The following ZNF438 variants were observed in gnomAD, a reference collection of about 807,000 sequenced individuals.
ZNF438 encodes zinc finger protein 438.
In ZNF438, 25 loss-of-function variants were observed where a neutral mutation model predicts 38.0. The ratio of observed to expected loss-of-function variants is 0.66; its 90% CI spans 0.48 to 0.92. The LOEUF is 0.92. Ranked by LOEUF, ZNF438 falls within the 40% of genes least tolerant of loss-of-function variation. ZNF438 has a pLI of 0.00. For synonymous variants in ZNF438, 372 were observed against 364.1 expected, an observed-to-expected ratio of 1.02 and a Z score of -0.25; for missense variants, 1,007 against 999.6, an observed-to-expected ratio of 1.01 and a Z score of -0.10.
intron 2 of ZNF438, among the ~76,000 whole-genome samples, chr10:30,941,318 C>T (rs146721803): frequency 0.012 from 1,762 of 152,202 alleles, 31 homozygotes; most frequent in African/African-American, 0.039. Flanking sequence ...GTGATCCACC[C>T]ATCTCGGCCT....
chr10:30,850,959 A>G (rs1373771750), intron 4 of ZNF438, among the ~76,000 whole-genome samples: 2 of 152,208 alleles, frequency 1.3e-5, no homozygotes, highest in Non-Finnish European at 2.9e-5. Flanking sequence ...TGTTTTGCAC[A>G]GTGGATGCAT....
chr10:30,944,587 T>A (rs2047166208), intron 1 of ZNF438, among the ~76,000 whole-genome samples: 2 of 152,192 alleles, frequency 1.3e-5, no homozygotes, highest in Non-Finnish European at 2.9e-5. Context: ...TGAGACCCAG[T>A]TCAGTTGACG....
chr10:30,912,981 G>T (rs2043233180), intron 2 of ZNF438, among the ~76,000 whole-genome samples: 1 of 152,042 alleles, frequency 6.6e-6, no homozygotes, highest in Admixed American at 6.5e-5. Context: ...CAACATATCT[G>T]TTGGGATTTA....
chr10:31,015,879 G>C (rs1464270528), intron 1 of ZNF438, among the ~76,000 whole-genome samples: 1 of 152,136 alleles, frequency 6.6e-6, no homozygotes, highest in Non-Finnish European at 1.5e-5. Flanking sequence ...GGTGAAAAGA[G>C]AGCTCTGGTA....
At chr10:30,944,777 T>C (rs768371116) in intron 1 of ZNF438, among the ~76,000 whole-genome samples, 1 of 152,332 alleles carries the variant, frequency 6.6e-6, no homozygotes. Flanking sequence ...CAGTTAGTCA[T>C]GTCAAAGAGG....
intron 1 of ZNF438, among the ~76,000 whole-genome samples, chr10:31,022,520 C>CA (rs1170904372): frequency 6.6e-6 from 1 of 152,150 alleles, no homozygotes; most frequent in Non-Finnish European, 1.5e-5. Flanking sequence ...CTCGGCCTCC[C>CA]AAAGTGCTGG....
intron 1 of ZNF438, among the ~76,000 whole-genome samples, chr10:30,977,867 C>T (rs1461292270): frequency 6.6e-6 from 1 of 151,688 alleles, no homozygotes; most frequent in African/African-American, 2.4e-5. Flanking sequence ...CCTGTAGTCC[C>T]AGCTACTCAG....
At chr10:30,938,583 A>C (rs2046497711) in intron 2 of ZNF438, among the ~76,000 whole-genome samples, 1 of 152,112 alleles carries the variant, frequency 6.6e-6, no homozygotes, top group South Asian at 2.1e-4. Flanking sequence ...GCCTAGCTCT[A>C]GCACTATTCT....
chr10:30,860,045 C>G (rs1450226266), intron 4 of ZNF438, among the ~76,000 whole-genome samples: 1 of 152,042 alleles, frequency 6.6e-6, no homozygotes, highest in African/African-American at 2.4e-5. Flanking sequence ...ATCCCTCTTC[C>G]CCAAGGTGAG....
At chr10:30,998,977 A>G (rs1049962107) in intron 1 of ZNF438, among the ~76,000 whole-genome samples, 2 of 152,244 alleles carry the variant, frequency 1.3e-5, no homozygotes, top group East Asian at 1.9e-4. Flanking sequence ...GCTTTGATTC[A>G]TATCAGAAGA....
At chr10:31,020,397 T>C (rs145262669) in intron 1 of ZNF438, among the ~76,000 whole-genome samples, 1 of 152,328 alleles carries the variant, frequency 6.6e-6, no homozygotes, top group African/African-American at 2.4e-5. Flanking sequence ...TTACAAAAGC[T>C]GTTCATCAGA....
At chr10:30,847,248 A>G (rs2032395308) in intron 5 of ZNF438, among the ~76,000 whole-genome samples, 1 of 152,120 alleles carries the variant, frequency 6.6e-6, no homozygotes, top group Non-Finnish European at 1.5e-5. Context: ...GGGTCTGTCC[A>G]TGACTGCCCA....
intron 4 of ZNF438, among the ~76,000 whole-genome samples, chr10:30,866,827 C>T (rs2036517678): frequency 8.2e-6 from 1 of 121,538 alleles, no homozygotes. Flanking sequence ...GAGCGAGACT[C>T]TGTCTCAAAA....
exon 6 of ZNF438, chr10:30,845,227 T>C (rs201334392): frequency 2.5e-6 from 4 of 1,614,050 alleles, no homozygotes; most frequent in African/African-American, 1.3e-5. Flanking sequence ...TCATTTTCCA[T>C]GAGCATTTCC....
chr10:30,954,246 G>T (rs1467592866), intron 1 of ZNF438, among the ~76,000 whole-genome samples: 4 of 152,162 alleles, frequency 2.6e-5, no homozygotes, highest in African/African-American at 9.7e-5. Flanking sequence ...ATAAGTTATG[G>T]ATACACAAAC....
chr10:30,869,722 G>C (rs1033167348), intron 4 of ZNF438, among the ~76,000 whole-genome samples: 2 of 152,168 alleles, frequency 1.3e-5, no homozygotes, highest in Non-Finnish European at 2.9e-5. Flanking sequence ...ATGTCAATCT[G>C]TACTTGCTCT....
chr10:30,882,905 A>G (rs1369661936), intron 3 of ZNF438, among the ~76,000 whole-genome samples: 1 of 152,186 alleles, frequency 6.6e-6, no homozygotes, highest in Non-Finnish European at 1.5e-5. Context: ...AAATATTGGG[A>G]AAAAATTTAA....
chr10:30,875,351 A>C (rs1184394232), intron 4 of ZNF438: 1 of 985,402 alleles, frequency 1.0e-6, no homozygotes. Flanking sequence ...CCTGAAAGGA[A>C]CACCTAGTCA....
intron 1 of ZNF438, among the ~76,000 whole-genome samples, chr10:30,979,941 A>G (rs2051912669): frequency 6.6e-6 from 1 of 152,228 alleles, no homozygotes; most frequent in Non-Finnish European, 1.5e-5. Context: ...CTACTGATAC[A>G]TGTGCTAGAG....
Sources: allele counts gnomAD v4.1 joint callset (sites outside exome capture counted in the v4.1 genomes callset), GRCh38; gene constraint gnomAD v4.1.1; transcripts MANE v1.5; gene names NCBI Gene and HGNC (gene_info 2026-07-23, HGNC 2026-07-21).